The following KCNB2 variants were observed in gnomAD, a reference collection of about 807,000 sequenced individuals.
KCNB2 encodes the protein delayed rectifier potassium channel protein.
Under a neutral mutation model 61.5 loss-of-function variants are expected in KCNB2, and 15 were observed. The observed-to-expected ratio is 0.24, with a 90% CI of 0.16 to 0.38. The LOEUF is 0.38. Ranked by LOEUF, KCNB2 falls within the 10% of genes least tolerant of loss-of-function variation. The pLI is 1.00. For missense variants in KCNB2, 828 were observed against 1,125.2 expected, an observed-to-expected ratio of 0.74 and a Z score of 3.78; for synonymous variants, 457 against 446.0, an observed-to-expected ratio of 1.02 and a Z score of -0.31.
intron 2 of KCNB2, among the ~76,000 whole-genome samples, chr8:72,698,812 T>C (rs1433610176): frequency 6.6e-6 from 1 of 152,164 alleles, no homozygotes; most frequent in Non-Finnish European, 1.5e-5. Context: ...ACTAGCTATG[T>C]TCAGAAGAAA....
intron 2 of KCNB2, among the ~76,000 whole-genome samples, chr8:72,887,410 A>T (rs1805824117): frequency 6.6e-6 from 1 of 152,198 alleles, no homozygotes; most frequent in Non-Finnish European, 1.5e-5. Context: ...TGTACCAACC[A>T]GTTATACAGG....
intron 1 of KCNB2, among the ~76,000 whole-genome samples, chr8:72,551,112 G>A (rs765236557): frequency 1.8e-4 from 27 of 152,094 alleles, no homozygotes; most frequent in Non-Finnish European, 2.5e-4. Flanking sequence ...CATTTCTTAC[G>A]CCATCACCAA....
chr8:72,740,342 G>A (rs931687931), intron 2 of KCNB2, among the ~76,000 whole-genome samples: 1 of 152,160 alleles, frequency 6.6e-6, no homozygotes. Flanking sequence ...GGACCCATGT[G>A]TTGAACAGTA....
At chr8:72,861,513 C>T (rs1436674886) in intron 2 of KCNB2, among the ~76,000 whole-genome samples, 2 of 152,138 alleles carry the variant, frequency 1.3e-5, no homozygotes, top group East Asian at 3.9e-4. Context: ...CTGTAAAGTA[C>T]AGGCAGAAGC....
intron 2 of KCNB2, among the ~76,000 whole-genome samples, chr8:72,929,856 T>C (rs1806741398): frequency 6.6e-6 from 1 of 152,040 alleles, no homozygotes; most frequent in Non-Finnish European, 1.5e-5. Context: ...AAGTGCAGCT[T>C]TGTTACATAT....
chr8:72,787,518 A>G (rs1054844585), intron 2 of KCNB2, among the ~76,000 whole-genome samples: 2 of 151,964 alleles, frequency 1.3e-5, no homozygotes, highest in Non-Finnish European at 2.9e-5. Context: ...TAGTATAAGT[A>G]TGGCAGTTTT....
At chr8:72,814,378 C>A (rs1335148765) in intron 2 of KCNB2, among the ~76,000 whole-genome samples, 1 of 152,168 alleles carries the variant, frequency 6.6e-6, no homozygotes, top group Non-Finnish European at 1.5e-5. Context: ...TGACACGTCA[C>A]TGAATAGGCA....
intron 2 of KCNB2, chr8:72,750,590 G>A (rs1156422605): frequency 6.6e-6 from 1 of 152,164 alleles, no homozygotes; most frequent in African/African-American, 2.4e-5. Context: ...GGTCTCCAGA[G>A]GAGACTTTCA....
Position 72,937,244 on chromosome 8 carries a change from A to T in KCNB2, c.1889A>T (p.Gln630Leu). 6.2e-7 allele frequency: 1 copy of T among 1,614,094 alleles called. No individual in the cohort carries two copies. Among genetic ancestry groups the T allele is most frequent in the Non-Finnish European group, 8.5e-7 (1 of 1,180,020 alleles). ...PLPPPSASHL[Q>L]MKFPTDLPGT... is the part of the protein sequence containing the mutation. ...CCGCCGCCCTCCGCCTCTCACTTGCAGATGAAGTTCCCAACCGACCTCCCA... is the reference window on the plus strand; with the variant it reads ...CCGCCGCCCTCCGCCTCTCACTTGCTGATGAAGTTCCCAACCGACCTCCCA... The change falls in exon 3 of 3, where the codon CAG becomes CTG. Residue 630 changes from glutamine to leucine, a missense_variant. Physicochemically the swap from Gln to Leu is moderately radical, Grantham distance 113. Around this residue, in one of 4 missense-constraint regions of KCNB2, gnomAD observed 559 missense variants for 588.4 expected, o/e 0.95. Coordinates refer to ENST00000523207, the MANE Select transcript of KCNB2 (RefSeq NM_004770.3).
chr8:72,648,325 A>G (rs1806162885), intron 2 of KCNB2, among the ~76,000 whole-genome samples: 4 of 152,172 alleles, frequency 2.6e-5, no homozygotes, highest in South Asian at 2.1e-4. Context: ...TGCTTTGTCT[A>G]TGGTTGACTG....
intron 2 of KCNB2, among the ~76,000 whole-genome samples, chr8:72,754,213 C>T (rs1194681087): frequency 6.6e-6 from 1 of 152,174 alleles, no homozygotes; most frequent in African/African-American, 2.4e-5. Flanking sequence ...TGAGGTACCA[C>T]TATGGCAGTT....
intron 2 of KCNB2, among the ~76,000 whole-genome samples, chr8:72,716,178 G>A (rs1475853473): frequency 6.6e-6 from 1 of 151,970 alleles, no homozygotes; most frequent in East Asian, 1.9e-4. Context: ...TAATAGCTTA[G>A]CAACCAAAAA....
At chr8:72,579,149 TC>T (rs1806850014) in intron 2 of KCNB2, among the ~76,000 whole-genome samples, 1 of 152,174 alleles carries the variant, frequency 6.6e-6, no homozygotes, top group African/African-American at 2.4e-5. Context: ...GCTTCTTAGC[TC>T]CTTTCCCACT....
At chr8:72,661,718 C>G (rs1173250268) in intron 2 of KCNB2, among the ~76,000 whole-genome samples, 1 of 152,076 alleles carries the variant, frequency 6.6e-6, no homozygotes, top group Non-Finnish European at 1.5e-5. Context: ...TTAGTTGCAG[C>G]TACTTAAAAT....
intron 2 of KCNB2, among the ~76,000 whole-genome samples, chr8:72,583,643 G>GACTC (rs1456372437): frequency 6.6e-6 from 1 of 152,100 alleles, no homozygotes; most frequent in African/African-American, 2.4e-5. Context: ...GTAGTGATCT[G>GACTC]ACTCACATGG....
intron 2 of KCNB2, among the ~76,000 whole-genome samples, chr8:72,915,192 G>T (rs1482561777): frequency 6.6e-6 from 1 of 152,162 alleles, no homozygotes; most frequent in Non-Finnish European, 1.5e-5. Flanking sequence ...AAAGTGCTGG[G>T]ATTACAGGCA....
intron 2 of KCNB2, among the ~76,000 whole-genome samples, chr8:72,841,164 T>A (rs980844816): frequency 6.6e-6 from 1 of 152,050 alleles, no homozygotes. Flanking sequence ...ATGGGGAATC[T>A]TTTCCCCATT....
At chr8:72,770,615 G>T (rs1416374029) in intron 2 of KCNB2, among the ~76,000 whole-genome samples, 2 of 152,130 alleles carry the variant, frequency 1.3e-5, no homozygotes, top group Non-Finnish European at 2.9e-5. Context: ...TACTTCCTAG[G>T]CAACATTTCC....
chr8:72,703,888 T>A (rs1807174768), intron 2 of KCNB2, among the ~76,000 whole-genome samples: 1 of 152,210 alleles, frequency 6.6e-6, no homozygotes, highest in Non-Finnish European at 1.5e-5. Flanking sequence ...GAGTTAATAA[T>A]CCTTCCACGC....
Sources: gnomAD v4.1 joint callset for allele counts (sites outside exome capture counted in the v4.1 genomes callset) on GRCh38, gnomAD v4.1.1 for gene constraint, gnomAD v4.1.1 regional missense constraint, MANE v1.5 for transcripts, NCBI Gene and HGNC (gene_info 2026-07-23, HGNC 2026-07-21) for gene names.